Variants in PPIL6 observed in about 807,000 individuals in gnomAD.
PPIL6 encodes the protein probable inactive peptidyl-prolyl cis-trans isomerase-like 6.
Under a neutral mutation model 36.8 loss-of-function variants are expected in PPIL6, and 39 were observed. That is an observed-to-expected ratio of 1.06 (90% CI 0.82 to 1.38). The LOEUF (loss-of-function observed/expected upper bound fraction) is 1.38, where lower values mean the gene tolerates loss of function less well. PPIL6 is among the 40% of genes most tolerant of loss of function. The pLI is 0.00. For missense variants in PPIL6, 368 were observed against 379.1 expected (o/e 0.97, Z 0.24); for synonymous variants, 123 against 134.1 (o/e 0.92, Z 0.57).
chr6:109,436,761 C>A (rs942324374), intron 1 of PPIL6, among the ~76,000 whole-genome samples: 48 of 152,050 alleles, frequency 3.2e-4, no homozygotes, highest in Non-Finnish European at 1.6e-4. Context: ...ACAAAAAAAA[C>A]TCTGTCTTAG....
chr6:109,392,692 G>A lies in PPIL6; in HGVS notation c.*134C>T. On this transcript the variant is annotated 3_prime_UTR_variant, in exon 8 of 8. Coordinates refer to ENST00000521072, the MANE Select transcript of PPIL6 (RefSeq NM_173672.5). ...AGGAAAGGAAGATGGGGAGGGATTGGGTGTAGATGAGGCAACCTACAGTGT... is the reference window on the plus strand; with the variant it reads ...AGGAAAGGAAGATGGGGAGGGATTGAGTGTAGATGAGGCAACCTACAGTGT... The A allele has an allele frequency of 1.7e-6, 1 of 594,292 alleles. No individual in the cohort carries two copies. The highest frequency in any genetic ancestry group is 3.0e-6 in the Non-Finnish European group (1 of 337,806). 36.8% of individuals were successfully genotyped at this position (594,292 alleles called of 1,614,324 possible).
intron 7 of PPIL6, among the ~76,000 whole-genome samples, chr6:109,396,413 C>T (rs1772308492): frequency 6.6e-6 from 1 of 152,134 alleles, no homozygotes; most frequent in East Asian, 1.9e-4. Context: ...CCCTTGCTGA[C>T]CCTCTTATCC....
rs1562265242 is a variant in PPIL6 at position 109,419,180 on chromosome 6, T to C, written c.688+7A>G. The C allele has an allele frequency of 2.6e-6, 4 of 1,519,554 alleles. No individual in the cohort carries two copies. The highest frequency in any genetic ancestry group is 2.2e-5 in the South Asian group (2 of 88,978). 94.1% of individuals were successfully genotyped at this position (1,519,554 alleles called of 1,614,324 possible). A position where few individuals can be genotyped will look rare whatever the true frequency, so the allele number is the denominator to read the frequency against. ...ATATATAACTAACAAAATGTAAAGA[T>C]ACATACCTTCAAATGTTGGACCATA... On this transcript the variant is annotated splice_region_variant and intron_variant, in intron 6 of 7. Transcript: ENST00000521072.
chr6:109,438,651 C>T (rs12190158), intron 1 of PPIL6, among the ~76,000 whole-genome samples: 7,694 of 151,780 alleles, frequency 0.051, 363 homozygotes, highest in East Asian at 0.21. Context: ...CACAGTGGCA[C>T]GATCTCAGCT....
Position 109,431,181 on chromosome 6 carries a change from G to A in PPIL6, c.396C>T (p.Ser132=), listed in dbSNP as rs113598036. 4.4e-3 allele frequency: 7,044 copies of A among 1,608,908 alleles called. 203 individuals carry two copies. The African/African-American group carries it at 0.07, about 16-fold the overall frequency. Residue 132 remains serine, a synonymous_variant, in exon 3 of 8, where the codon TCC becomes TCT. Transcript: ENST00000521072. The stretch of plus-strand genomic sequence containing the variant: ...CCTTGGTGTCTCTTAAGAACTTAGC[G>A]GAAAAATCCTCAGTGAGTGCGTCAT... ...ALYDALTEDF[S]AKFLRDTKHD... is the part of the protein sequence containing the mutation.
chr6:109,399,528 G>A (rs959852058), intron 7 of PPIL6, among the ~76,000 whole-genome samples: 54 of 152,246 alleles, frequency 3.5e-4, no homozygotes, highest in Admixed American at 8.5e-4. Context: ...TCAGCCTCCG[G>A]AGTGGCTGGA....
chr6:109,417,860 C>G (rs910399626), intron 6 of PPIL6, among the ~76,000 whole-genome samples: 5 of 152,194 alleles, frequency 3.3e-5, no homozygotes, highest in Admixed American at 3.3e-4. Flanking sequence ...AAAACAATTA[C>G]GTAATCTTCC....
intron 6 of PPIL6, among the ~76,000 whole-genome samples, chr6:109,400,685 GA>G (rs752669222): frequency 2.6e-5 from 4 of 152,134 alleles, no homozygotes; most frequent in Non-Finnish European, 5.9e-5. Context: ...GTGAAGGCAG[GA>G]ACCTTGTCTC....
rs1772467358 is a variant in PPIL6 at position 109,400,082 on chromosome 6, G to A, written c.777C>T (p.Ile259=). Residue 259 remains isoleucine, a synonymous_variant, in exon 7 of 8, where the codon ATC becomes ATT. Coordinates refer to ENST00000521072, the MANE Select transcript of PPIL6 (RefSeq NM_173672.5). Reference sequence around the variant, plus strand: ...CTAGATAAGGAGTTGCTTGCAGTGTGATATAGAATTGTGACCCGTTGCTGT... The same window carrying A: ...CTAGATAAGGAGTTGCTTGCAGTGTAATATAGAATTGTGACCCGTTGCTGT... ...GRHSNGSQFY[I]TLQATPYLDR... The A allele has an allele frequency of 6.2e-7, 1 of 1,613,762 alleles. No homozygotes were observed. Among genetic ancestry groups the A allele is most frequent in the Non-Finnish European group, 8.5e-7 (1 of 1,179,732 alleles).
At chr6:109,426,163 C>T (rs891876823) in intron 5 of PPIL6, among the ~76,000 whole-genome samples, 4 of 152,148 alleles carry the variant, frequency 2.6e-5, no homozygotes, top group African/African-American at 9.7e-5. Flanking sequence ...CCTCGTCAGC[C>T]TCAGAATGTT....
chr6:109,417,950 CA>C (rs1773349642), intron 6 of PPIL6: 1 of 152,218 alleles, frequency 6.6e-6, no homozygotes, highest in Non-Finnish European at 1.5e-5. Context: ...TATATGCCTA[CA>C]GCAATACCCT....
intron 6 of PPIL6, among the ~76,000 whole-genome samples, chr6:109,401,290 T>C (rs1247619054): frequency 6.6e-6 from 1 of 152,128 alleles, no homozygotes; most frequent in Non-Finnish European, 1.5e-5. Context: ...TGGTGATTAT[T>C]AGGCTACCAA....
At chr6:109,435,296 CTTT>C (rs911840164) in intron 2 of PPIL6, among the ~76,000 whole-genome samples, 4 of 131,942 alleles carry the variant, frequency 3.0e-5, no homozygotes, top group Non-Finnish European at 3.2e-5. Flanking sequence ...AAATGTTGCA[CTTT>C]TTTTTTTTTT....
In PPIL6 at chr6:109,413,379, C is replaced by G. The variant is rs924952430; in HGVS notation, c.688+5808G>C. On this transcript the variant is annotated intron_variant, in intron 6 of 7. Coordinates refer to ENST00000521072, the MANE Select transcript of PPIL6 (RefSeq NM_173672.5). The surrounding 1 kb of genome is among the most constrained non-coding windows in gnomAD (Gnocchi z 4.6). ...TGAAAAGGTGCTCAACACCACTGAT[C>G]ATCAGAGAAACGTAAACCCAAACTA... Among the ~76,000 whole-genome samples the G allele has an allele frequency of 6.6e-6, 1 of 152,180 alleles. No homozygotes were observed. The highest frequency in any genetic ancestry group is 1.9e-4 in the East Asian group (1 of 5,198).
intron 5 of PPIL6, among the ~76,000 whole-genome samples, chr6:109,422,178 C>CA (rs1374968194): frequency 6.6e-6 from 1 of 152,042 alleles, no homozygotes; most frequent in Non-Finnish European, 1.5e-5. Context: ...GCCTGGCCTA[C>CA]AAAAATTTTT....
At chr6:109,427,710 C>G (rs1359751779) in intron 3 of PPIL6, among the ~76,000 whole-genome samples, 1 of 152,168 alleles carries the variant, frequency 6.6e-6, no homozygotes, top group Non-Finnish European at 1.5e-5. Context: ...TTTTAAAAAC[C>G]TTTCCAGAGT....
intron 6 of PPIL6, among the ~76,000 whole-genome samples, chr6:109,401,551 G>T (rs1189878698): frequency 5.3e-5 from 8 of 152,112 alleles, no homozygotes; most frequent in Non-Finnish European, 7.4e-5. Context: ...GTTGAAAACT[G>T]AATAAAGACC....
At chr6:109,426,244 C>A (rs1773807373) in intron 5 of PPIL6, among the ~76,000 whole-genome samples, 1 of 152,142 alleles carries the variant, frequency 6.6e-6, no homozygotes, top group African/African-American at 2.4e-5. Context: ...AGCAAATTTC[C>A]TTTGACACTA....
intron 7 of PPIL6, among the ~76,000 whole-genome samples, chr6:109,398,421 C>T (rs772879865): frequency 1.3e-5 from 2 of 152,172 alleles, no homozygotes; most frequent in Non-Finnish European, 2.9e-5. Flanking sequence ...GCATGACATT[C>T]CAGGTGCTGG....
Sources: allele counts gnomAD v4.1 joint callset (sites outside exome capture counted in the v4.1 genomes callset), GRCh38; gene constraint gnomAD v4.1.1; non-coding constraint Gnocchi (gnomAD v3.1); transcripts MANE v1.5; gene names NCBI Gene and HGNC (gene_info 2026-07-23, HGNC 2026-07-21).